Variants in RAB8A observed in about 807,000 individuals in gnomAD.
The protein encoded by RAB8A is RAB8A, member RAS oncogene family, also known as ras-related protein Rab-8A.
In RAB8A, 5 loss-of-function variants were observed where a neutral mutation model predicts 29.2. The observed-to-expected ratio is 0.17, with a 90% confidence interval of 0.09 to 0.36. RAB8A has a LOEUF of 0.36. Ranked by LOEUF, RAB8A falls within the 10% of genes least tolerant of loss-of-function variation. The pLI is 1.00. For synonymous variants in RAB8A, 108 were observed against 99.9 expected, an observed-to-expected ratio of 1.08 and a Z score of -0.49; for missense variants, 171 against 272.2, an observed-to-expected ratio of 0.63 and a Z score of 2.62.
At position 16,130,145 on chromosome 19, in the gene RAB8A, G is replaced by A. The variant is rs532064505; in HGVS notation, c.531+541G>A. Among the ~76,000 whole-genome samples the A allele has an allele frequency of 1.1e-4, 16 of 142,356 alleles. 1 individual carries two copies. The South Asian group carries it at 2.3e-3, about 21-fold the overall frequency. 93.4% of individuals were successfully genotyped at this position (142,356 alleles called of 152,430 possible). Reference sequence around the variant, plus strand: ...TCCCTACCCATCTACCCTCTCATTCGTTTCTTGCTTTTTTTTTTTTACCAC... The same window carrying A: ...TCCCTACCCATCTACCCTCTCATTCATTTCTTGCTTTTTTTTTTTTACCAC... On this transcript the variant is annotated intron_variant, in intron 7 of 7. Coordinates refer to ENST00000300935, the MANE Select transcript of RAB8A (RefSeq NM_005370.5).
intron 7 of RAB8A, 54 bp downstream of exon 7, chr19:16,129,658 G>A (rs371482954): frequency 1.3e-5 from 21 of 1,567,266 alleles, no homozygotes; most frequent in African/African-American, 8.1e-5. Context: ...TCCAGCCATC[G>A]TCGTTAGCAG....
At chr19:16,126,905 T>C (rs560205913) in intron 4 of RAB8A, 2 of 151,946 alleles carry the variant, frequency 1.3e-5, no homozygotes, top group Admixed American at 1.3e-4. Flanking sequence ...AGGTTGAGGA[T>C]CGCTTGAACC....
chr19:16,118,763 C>T (rs2090858633), intron 2 of RAB8A, among the ~76,000 whole-genome samples: 1 of 152,198 alleles, frequency 6.6e-6, no homozygotes, highest in African/African-American at 2.4e-5. Flanking sequence ...TCCTAGCGTA[C>T]AGACCGAAAC....
intron 1 of RAB8A, among the ~76,000 whole-genome samples, chr19:16,116,649 A>T (rs923494075): frequency 7.9e-5 from 12 of 152,166 alleles, no homozygotes; most frequent in Admixed American, 3.3e-4. Flanking sequence ...AGCCTGGCCA[A>T]CATGGTGAAA....
chr19:16,119,622 G>T (rs1230063485), intron 2 of RAB8A, among the ~76,000 whole-genome samples: 3 of 151,980 alleles, frequency 2.0e-5, no homozygotes, highest in African/African-American at 7.3e-5. Flanking sequence ...AGCCATGGAA[G>T]TTTCTCCACT....
At chr19:16,117,818 T>C (rs1474250996) in intron 1 of RAB8A, among the ~76,000 whole-genome samples, 1 of 152,102 alleles carries the variant, frequency 6.6e-6, no homozygotes, top group Non-Finnish European at 1.5e-5. Flanking sequence ...AACGTGACCA[T>C]GTGCATTGAC....
In RAB8A at chr19:16,125,331, G is replaced by C; in HGVS notation, c.247-139G>C. On this transcript the variant is annotated intron_variant, in intron 3 of 7. Coordinates refer to ENST00000300935, the MANE Select transcript of RAB8A (RefSeq NM_005370.5). This position sits in a 1 kb window ranked among gnomAD's most constrained non-coding sequence, Gnocchi z 5.0. Reference sequence around the variant, plus strand: ...GGGGGCTGGCTTCCGGGGCTCCACAGAGGTGGGGAGGGCGGCAGCTAATGG... The same window carrying C: ...GGGGGCTGGCTTCCGGGGCTCCACACAGGTGGGGAGGGCGGCAGCTAATGG... 1 of 706,222 alleles carries C rather than the reference G, an allele frequency of 1.4e-6. No homozygotes were observed. The highest frequency in any genetic ancestry group is 2.4e-6 in the Non-Finnish European group (1 of 409,214). 43.7% of individuals were successfully genotyped at this position (706,222 alleles called of 1,614,324 possible).
chr19:16,131,440 T>TGTTG (rs935981135), intron 7 of RAB8A, among the ~76,000 whole-genome samples: 1 of 151,574 alleles, frequency 6.6e-6, no homozygotes, highest in Admixed American at 6.6e-5. Context: ...ATGATTGGTT[T>TGTTG]GTTGGTTGGT....
chr19:16,130,568 A>T (rs2090920619), intron 7 of RAB8A, among the ~76,000 whole-genome samples: 1 of 152,182 alleles, frequency 6.6e-6, no homozygotes, highest in Non-Finnish European at 1.5e-5. Context: ...ACTGACCAAC[A>T]ATAATTTGGG....
At position 16,125,560 on chromosome 19, in the gene RAB8A, G is replaced by A. The variant is rs547885481; in HGVS notation, c.324+13G>A. Reference sequence around the variant, plus strand: ...CAACATTGAGGAGGTGAGGCCCTCCGGCTCCTCCCACTGTCCCTGCTTCAG... The same window carrying A: ...CAACATTGAGGAGGTGAGGCCCTCCAGCTCCTCCCACTGTCCCTGCTTCAG... On this transcript the variant is annotated intron_variant, in intron 4 of 7. Transcript: ENST00000300935. This position sits in a 1 kb window ranked among gnomAD's most constrained non-coding sequence, Gnocchi z 5.0. 113 of 1,602,686 alleles carry A rather than the reference G, an allele frequency of 7.1e-5. No individual in the cohort carries two copies. The highest frequency in any genetic ancestry group is 6.9e-4 in the East Asian group (31 of 44,810).
chr19:16,120,602 C>T (rs1338006973), intron 2 of RAB8A, among the ~76,000 whole-genome samples: 2 of 147,614 alleles, frequency 1.4e-5, no homozygotes, highest in Non-Finnish European at 3.0e-5. Context: ...TGAGCCAACA[C>T]GCCTGGCTTT....
rs1353893308 is a variant in RAB8A at position 16,125,845 on chromosome 19, G to T, written c.324+298G>T. On this transcript the variant is annotated intron_variant, in intron 4 of 7. Coordinates refer to ENST00000300935, the MANE Select transcript of RAB8A (RefSeq NM_005370.5). This position sits in a 1 kb window ranked among gnomAD's most constrained non-coding sequence, Gnocchi z 5.0. ...ATCCAAGCTTGTGGTCACCATGAGTGTTGGGTGCTTTCTAGAGAAGGAAGG... is the reference window on the plus strand; with the variant it reads ...ATCCAAGCTTGTGGTCACCATGAGTTTTGGGTGCTTTCTAGAGAAGGAAGG... 3.9e-6 allele frequency: 2 copies of T among 507,906 alleles called. No individual in the cohort carries two copies. Among genetic ancestry groups the T allele is most frequent in the African/African-American group, 1.9e-5 (1 of 51,940 alleles). 31.5% of individuals were successfully genotyped at this position (507,906 alleles called of 1,614,324 possible).
In RAB8A at chr19:16,133,407, G is replaced by A. The variant is rs533884298; in HGVS notation, c.*1103G>A. The A allele has an allele frequency of 1.1e-4, 17 of 151,930 alleles. No homozygotes were observed. The highest frequency in any genetic ancestry group is 4.1e-4 in the African/African-American group (17 of 41,324). 9.4% of individuals were successfully genotyped at this position (151,930 alleles called of 1,614,324 possible). A position where few individuals can be genotyped will look rare whatever the true frequency, so the allele number is the denominator to read the frequency against. On this transcript the variant is annotated 3_prime_UTR_variant, in exon 8 of 8. Transcript: ENST00000300935. ...CCATAGGGACTGCGACTGGGACCAGGTCAACCACGCCAGGGGGGTGTCACC... is the reference window on the plus strand; with the variant it reads ...CCATAGGGACTGCGACTGGGACCAGATCAACCACGCCAGGGGGGTGTCACC...
chr19:16,129,052 A>T (rs1004738526), intron 6 of RAB8A, among the ~76,000 whole-genome samples: 1 of 152,166 alleles, frequency 6.6e-6, no homozygotes, highest in African/African-American at 2.4e-5. Flanking sequence ...AAGGACTCCG[A>T]GTGAAGCTTG....
At chr19:16,118,596 G>A (rs2090857605) in intron 2 of RAB8A, among the ~76,000 whole-genome samples, 1 of 152,218 alleles carries the variant, frequency 6.6e-6, no homozygotes, top group Admixed American at 6.5e-5. Context: ...CTGTTGAACG[G>A]GAAGAGAGCC....
At position 16,119,236 on chromosome 19, in the gene RAB8A, G is replaced by A. The variant is rs528281177; in HGVS notation, c.185+950G>A. On this transcript the variant is annotated intron_variant, in intron 2 of 7. Coordinates refer to ENST00000300935, the MANE Select transcript of RAB8A (RefSeq NM_005370.5). ...TCTTCTTTTTTTGAGACGGAGTTTC[G>A]CTCTTGTCGCCTAGGCTGGAGTGCA... is the stretch of plus-strand genomic sequence containing the variant. Among the ~76,000 whole-genome samples, 193 of 151,328 alleles carry A rather than the reference G, an allele frequency of 1.3e-3. 1 individual carries two copies. Among genetic ancestry groups the A allele is most frequent in the Admixed American group, 2.1e-3 (32 of 15,226 alleles).
intron 3 of RAB8A, chr19:16,124,849 G>C (rs527311777): frequency 7.7e-4 from 121 of 157,586 alleles, no homozygotes; most frequent in South Asian, 1.3e-3. Flanking sequence ...GGGCTGCCCC[G>C]AAGCTCTTCC....
At chr19:16,129,408 G>A in intron 6 of RAB8A, 146 bp from the exon 7 acceptor site, 1 of 754,810 alleles carries the variant, frequency 1.3e-6, no homozygotes, top group Non-Finnish European at 2.3e-6. Context: ...GGACAGGCCA[G>A]ATGAACCCAC....
At chr19:16,124,247 T>G (rs932197698) in intron 3 of RAB8A, 1 of 152,398 alleles carries the variant, frequency 6.6e-6, no homozygotes, top group Middle Eastern at 3.4e-3. Flanking sequence ...CCATTATTCA[T>G]GTCCCTGAAT....
Sources: gnomAD v4.1 joint callset for allele counts (sites outside exome capture counted in the v4.1 genomes callset) on GRCh38, gnomAD v4.1.1 for gene constraint, Gnocchi (gnomAD v3.1) non-coding constraint, MANE v1.5 for transcripts, NCBI Gene and HGNC (gene_info 2026-07-23, HGNC 2026-07-21) for gene names.